PON3: variants seen among roughly 807,000 people sequenced by gnomAD.
PON3 encodes paraoxonase 3.
A neutral mutation model predicts 36.3 loss-of-function variants in PON3; 37 were observed. The observed-to-expected ratio is 1.02, with a 90% CI of 0.78 to 1.34. The LOEUF (loss-of-function observed/expected upper bound fraction) is 1.34, where lower values mean the gene tolerates loss of function less well. Among genes scored for constraint, PON3 ranks in the 40% most tolerant of loss-of-function variants. The pLI is 0.00. For synonymous variants in PON3, 155 were observed against 154.8 expected, an observed-to-expected ratio of 1.00 and a Z score of -0.01; for missense variants, 415 against 426.5, an observed-to-expected ratio of 0.97 and a Z score of 0.24.
At chr7:95,366,919 T>C (rs570633591) in intron 5 of PON3, among the ~76,000 whole-genome samples, 2 of 152,380 alleles carry the variant, frequency 1.3e-5, no homozygotes, top group East Asian at 1.9e-4. Context: ...CCAAGGACTT[T>C]TAAAAAATTC....
chr7:95,383,251 G>A (rs1809104021), intron 3 of PON3, among the ~76,000 whole-genome samples: 1 of 152,158 alleles, frequency 6.6e-6, no homozygotes, highest in Non-Finnish European at 1.5e-5. Flanking sequence ...ATATCATACT[G>A]AATGGGCAAA....
intron 4 of PON3, among the ~76,000 whole-genome samples, chr7:95,371,252 T>C (rs1187881040): frequency 1.4e-5 from 2 of 144,828 alleles, no homozygotes; most frequent in South Asian, 2.1e-4. Context: ...AATGCTGCTA[T>C]GAACATTTGT....
At chr7:95,364,156 C>G in intron 5 of PON3, 93 bp from the exon 6 acceptor site, 1 of 990,408 alleles carries the variant, frequency 1.0e-6, no homozygotes, top group South Asian at 1.3e-5. Flanking sequence ...TAGACTAATA[C>G]GTTCATCAAT....
intron 1 of PON3, 142 bp downstream of exon 1, chr7:95,396,135 C>T (rs1391867929): frequency 2.3e-6 from 2 of 866,968 alleles, no homozygotes; most frequent in East Asian, 2.5e-5. Context: ...TCTCAAGGGG[C>T]GGTTTGCTGG....
chr7:95,378,184 A>G (rs1808963619), intron 3 of PON3, among the ~76,000 whole-genome samples: 1 of 152,188 alleles, frequency 6.6e-6, no homozygotes, highest in African/African-American at 2.4e-5. Flanking sequence ...GTAATGAAAT[A>G]AAGTGAGATG....
chr7:95,385,120 G>C (rs1255823701), intron 3 of PON3, among the ~76,000 whole-genome samples: 1 of 152,018 alleles, frequency 6.6e-6, no homozygotes, highest in Non-Finnish European at 1.5e-5. Context: ...ACCAAACACT[G>C]CATGTTCTCA....
At chr7:95,381,583 ACAAAGAT>A (rs1809055533) in intron 3 of PON3, among the ~76,000 whole-genome samples, 1 of 152,192 alleles carries the variant, frequency 6.6e-6, no homozygotes, top group South Asian at 2.1e-4. Flanking sequence ...CTTTAAACCA[ACAAAGAT>A]CAAAACAGAC....
chr7:95,377,636 G>A (rs956061522), intron 3 of PON3: 10 of 369,018 alleles, frequency 2.7e-5, no homozygotes, highest in Non-Finnish European at 5.4e-5. Flanking sequence ...AGGCAAACAG[G>A]GTCTGGAGTG....
Position 95,389,492 on chromosome 7 carries a change from T to C in PON3, c.201+662A>G, listed in dbSNP as rs571200998. On this transcript the variant is annotated intron_variant, in intron 3 of 8. Coordinates refer to ENST00000265627, the MANE Select transcript of PON3 (RefSeq NM_000940.3). ...ATCATATCCCCATTTCAAAATGCAATTGATTTAACAAATATTAATATATGA... is the reference window on the plus strand; with the variant it reads ...ATCATATCCCCATTTCAAAATGCAACTGATTTAACAAATATTAATATATGA... Among the ~76,000 whole-genome samples the C allele has an allele frequency of 3.2e-4, 48 of 152,320 alleles. No homozygotes were observed. The South Asian group carries it at 3.5e-3, about 11-fold the overall frequency.
intron 6 of PON3, 50 bp from the exon 7 acceptor site, chr7:95,362,891 C>G: frequency 7.5e-7 from 1 of 1,332,004 alleles, no homozygotes; most frequent in Non-Finnish European, 1.1e-6. Flanking sequence ...TGAGAGACAA[C>G]ACTCACTTTT....
At chr7:95,360,246 G>A (rs1256313969) in intron 8 of PON3, 115 bp from the exon 9 acceptor site, 1 of 993,658 alleles carries the variant, frequency 1.0e-6, no homozygotes, top group African/African-American at 1.6e-5. Flanking sequence ...GCTAAAATCT[G>A]TATATCTTCA....
intron 3 of PON3, chr7:95,377,475 T>A: frequency 3.5e-6 from 1 of 284,640 alleles, no homozygotes; most frequent in South Asian, 2.7e-5. Flanking sequence ...CTCAAGTGGG[T>A]CTCTGACACC....
intron 1 of PON3, chr7:95,395,980 A>C: frequency 1.2e-5 from 5 of 422,554 alleles, no homozygotes; most frequent in Non-Finnish European, 2.2e-5. Context: ...CGAGCTGGGA[A>C]AGGGGTCATC....
chr7:95,390,745 T>A (rs530023833), intron 2 of PON3, among the ~76,000 whole-genome samples: 3 of 152,204 alleles, frequency 2.0e-5, no homozygotes, highest in Admixed American at 2.0e-4. Flanking sequence ...AATATTAATA[T>A]GAAAGTTTAG....
At chr7:95,378,361 C>T (rs879607848) in intron 3 of PON3, among the ~76,000 whole-genome samples, 58 of 152,184 alleles carry the variant, frequency 3.8e-4, no homozygotes, top group Non-Finnish European at 7.1e-4. Flanking sequence ...CTTCCCCAAC[C>T]TAGCAAGGCA....
intron 3 of PON3, among the ~76,000 whole-genome samples, chr7:95,379,083 A>AT (rs1389542169): frequency 6.6e-6 from 1 of 151,994 alleles, no homozygotes; most frequent in Non-Finnish European, 1.5e-5. Context: ...AAAAGCAAAA[A>AT]AAAAAAAGCA....
intron 5 of PON3, 52 bp downstream of exon 5, chr7:95,367,310 A>G (rs1808718419): frequency 1.2e-6 from 2 of 1,600,996 alleles, no homozygotes; most frequent in Non-Finnish European, 1.7e-6. Context: ...AATACAAAGC[A>G]CACAGCAGAG....
chr7:95,396,140 T>G, intron 1 of PON3, 137 bp downstream of exon 1: 1 of 937,788 alleles, frequency 1.1e-6, no homozygotes. Flanking sequence ...AGGGGCGGTT[T>G]GCTGGGTGAG....
intron 3 of PON3, among the ~76,000 whole-genome samples, chr7:95,381,167 C>T (rs1349234202): frequency 6.6e-6 from 1 of 152,152 alleles, no homozygotes; most frequent in Non-Finnish European, 1.5e-5. Flanking sequence ...AATTTGGTCA[C>T]CACCAGGCCT....
Sources: allele counts gnomAD v4.1 joint callset (sites outside exome capture counted in the v4.1 genomes callset), GRCh38; gene constraint gnomAD v4.1.1; transcripts MANE v1.5; gene names NCBI Gene and HGNC (gene_info 2026-07-23, HGNC 2026-07-21).